Variants in KIF26B observed in about 807,000 individuals in gnomAD.
KIF26B encodes kinesin family member 26B.
A neutral mutation model predicts 151.2 loss-of-function variants in KIF26B; 63 were observed. The observed-to-expected ratio is 0.42, with a 90% CI of 0.34 to 0.51. The LOEUF is 0.51. KIF26B is among the 20% of genes least tolerant of loss of function. KIF26B has a pLI of 0.07. For missense variants in KIF26B, 2,813 were observed against 2,913.6 expected, an observed-to-expected ratio of 0.97 and a Z score of 0.79; for synonymous variants, 1,357 against 1,262.1, an observed-to-expected ratio of 1.08 and a Z score of -1.59.
Position 245,156,613 on chromosome 1 carries a change from G to A in KIF26B, c.395G>A (p.Cys132Tyr). The change falls in exon 2 of 15, where the codon TGC becomes TAC. Residue 132 changes from cysteine to tyrosine, a missense_variant. By Grantham distance (194) the Cys-to-Tyr change is radical. This residue lies in a region of KIF26B where 676 missense variants were observed against 688.1 expected (regional missense o/e 0.98). Coordinates refer to ENST00000407071, the MANE Select transcript of KIF26B (RefSeq NM_018012.4). ...GACCGCGGCGTCTGGTGCGAGAACT[G>A]CAACGCCCGCCTGGTGGAGCTCAAG... ...GSDRGVWCEN[C>Y]NARLVELKRQ... The A allele has an allele frequency of 6.6e-7, 1 of 1,525,378 alleles. No homozygotes were observed. Among genetic ancestry groups the A allele is most frequent in the Non-Finnish European group, 8.7e-7 (1 of 1,143,068 alleles). The allele number at this position is 1,525,378 out of a possible 1,614,324, so 94.5% of individuals were successfully genotyped here. A position where few individuals can be genotyped will look rare whatever the true frequency, so the allele number is the denominator to read the frequency against.
intron 5 of KIF26B, among the ~76,000 whole-genome samples, chr1:245,588,932 T>C (rs577245419): frequency 1.3e-5 from 2 of 152,202 alleles, no homozygotes; most frequent in Non-Finnish European, 2.9e-5. Flanking sequence ...AATGAAAGTA[T>C]CTAAGATGTA....
chr1:245,562,036 A>G lies in KIF26B; in HGVS notation c.1350+21086A>G, dbSNP rs183575899. Reference sequence around the variant, plus strand: ...CGGATTGCAGCTGTTTCATACCCAGATGACCTGGGGGGCATCTTCAGTGTG... The same window carrying G: ...CGGATTGCAGCTGTTTCATACCCAGGTGACCTGGGGGGCATCTTCAGTGTG... On this transcript the variant is annotated intron_variant, in intron 5 of 14. Transcript: ENST00000407071. Among the ~76,000 whole-genome samples the G allele has an allele frequency of 7.9e-5, 12 of 152,146 alleles. No homozygotes were observed. In the East Asian group the frequency reaches 1.9e-3, roughly 25 times the overall value.
At chr1:245,474,627 G>T (rs1336715997) in intron 4 of KIF26B, among the ~76,000 whole-genome samples, 1 of 150,964 alleles carries the variant, frequency 6.6e-6, no homozygotes, top group African/African-American at 2.4e-5. Context: ...TGGCCAGGCT[G>T]GTCTTGAACT....
intron 5 of KIF26B, among the ~76,000 whole-genome samples, chr1:245,577,519 T>C (rs1226966152): frequency 6.6e-6 from 1 of 152,228 alleles, no homozygotes; most frequent in Non-Finnish European, 1.5e-5. Flanking sequence ...TGGAAGAGCT[T>C]TGTGGAACTC....
At chr1:245,217,530 A>G (rs1196755948) in intron 2 of KIF26B, among the ~76,000 whole-genome samples, 1 of 150,244 alleles carries the variant, frequency 6.7e-6, no homozygotes, top group Non-Finnish European at 1.5e-5. Flanking sequence ...ACGCCCAGCT[A>G]TTTTTTTTTG....
At chr1:245,346,558 A>G (rs1005628017) in intron 2 of KIF26B, among the ~76,000 whole-genome samples, 3 of 152,176 alleles carry the variant, frequency 2.0e-5, no homozygotes, top group Non-Finnish European at 4.4e-5. Context: ...TCAGACAGTA[A>G]CACCTGTGAT....
intron 4 of KIF26B, among the ~76,000 whole-genome samples, chr1:245,447,164 TG>T (rs1659266424): frequency 6.6e-6 from 1 of 152,180 alleles, no homozygotes; most frequent in South Asian, 2.1e-4. Flanking sequence ...CTGGTGTGCT[TG>T]CTGCTGCTGT....
chr1:245,165,519 A>T (rs1022658152), intron 2 of KIF26B, among the ~76,000 whole-genome samples: 2 of 152,226 alleles, frequency 1.3e-5, no homozygotes, highest in Non-Finnish European at 2.9e-5. Flanking sequence ...GGAGATATGG[A>T]TCTGGGGGAT....
intron 8 of KIF26B, among the ~76,000 whole-genome samples, chr1:245,610,509 A>T (rs1398619970): frequency 6.6e-6 from 1 of 152,220 alleles, no homozygotes; most frequent in East Asian, 1.9e-4. Context: ...CAGGGATCAC[A>T]GTTGGAAATC....
In KIF26B at chr1:245,215,739, CTG is replaced by C. The variant is rs536974543; in HGVS notation, c.465+59060_465+59061del. 7.1e-4 allele frequency among the ~76,000 whole-genome samples: 108 copies of C among 152,186 alleles called. 1 individual carries two copies. Among genetic ancestry groups the C allele is most frequent in the African/African-American group, 1.9e-3 (79 of 41,532 alleles). On this transcript the variant is annotated intron_variant, in intron 2 of 14. Coordinates refer to ENST00000407071, the MANE Select transcript of KIF26B (RefSeq NM_018012.4). ...AGCTGGGATAGAAGAAATTGGGTGA[CTG>C]TGTATTGTCTTTGTGCTTTTGTGTT... is the stretch of plus-strand genomic sequence containing the variant.
In KIF26B at chr1:245,605,114, C is replaced by T. The variant is rs372014048; in HGVS notation, c.1557+2331C>T. 2.0e-5 allele frequency among the ~76,000 whole-genome samples: 3 copies of T among 152,306 alleles called. No individual in the cohort carries two copies. In the East Asian group the frequency reaches 5.8e-4, roughly 29 times the overall value. ...GGCGAGTCACTCAACCTCTCTGGAC[C>T]TCAGTGTCCTTCCTCATCTGTCAGG... On this transcript the variant is annotated intron_variant, in intron 6 of 14. Transcript: ENST00000407071.
intron 4 of KIF26B, among the ~76,000 whole-genome samples, chr1:245,504,306 C>T (rs1357176816): frequency 1.3e-5 from 2 of 151,968 alleles, no homozygotes; most frequent in Non-Finnish European, 2.9e-5. Flanking sequence ...TGGTCTCTCT[C>T]TCTCTCTTTC....
chr1:245,519,751 C>T (rs1661047006), intron 4 of KIF26B, among the ~76,000 whole-genome samples: 1 of 152,032 alleles, frequency 6.6e-6, no homozygotes, highest in African/African-American at 2.4e-5. Context: ...ATAGTGTAGC[C>T]ATTTGTAACA....
intron 4 of KIF26B, among the ~76,000 whole-genome samples, chr1:245,451,298 C>T (rs1456685190): frequency 6.6e-6 from 1 of 151,938 alleles, no homozygotes; most frequent in Non-Finnish European, 1.5e-5. Flanking sequence ...ATTAACATTT[C>T]GTTTTAGAAA....
rs542705342 is a variant in KIF26B, at chr1:245,550,638, A to C, written c.1350+9688A>C. Among the ~76,000 whole-genome samples, 11 of 152,368 alleles carry C rather than the reference A, an allele frequency of 7.2e-5. 1 individual carries two copies. In the South Asian group the frequency reaches 2.3e-3, roughly 32 times the overall value. On this transcript the variant is annotated intron_variant, in intron 5 of 14. Transcript: ENST00000407071. ...TGAGACCATGCAGTGAGATTGGTGC[A>C]GTCAGTATTGGTGGAGGAGCTGCTG... is the stretch of plus-strand genomic sequence containing the variant.
chr1:245,597,939 G>T lies in KIF26B; in HGVS notation c.1351-4638G>T, dbSNP rs898007637. ...ATCGATTCAGCTATTGATACTGTGT[G>T]TGCTTCATGAAGTTCTCATGCTGTG... On this transcript the variant is annotated intron_variant, in intron 5 of 14. Coordinates refer to ENST00000407071, the MANE Select transcript of KIF26B (RefSeq NM_018012.4). The surrounding 1 kb of genome is among the most constrained non-coding windows in gnomAD (Gnocchi z 4.6). Among the ~76,000 whole-genome samples the T allele has an allele frequency of 6.6e-6, 1 of 151,944 alleles. No homozygotes were observed. Among genetic ancestry groups the T allele is most frequent in the Admixed American group, 6.6e-5 (1 of 15,236 alleles).
intron 5 of KIF26B, among the ~76,000 whole-genome samples, chr1:245,591,415 A>C (rs1334965369): frequency 6.6e-6 from 1 of 152,188 alleles, no homozygotes; most frequent in Non-Finnish European, 1.5e-5. Context: ...TGATCACAGT[A>C]ACTCTGCTAG....
chr1:245,568,014 T>C (rs1323210833), intron 5 of KIF26B, among the ~76,000 whole-genome samples: 2 of 150,770 alleles, frequency 1.3e-5, no homozygotes, highest in Non-Finnish European at 3.0e-5. Flanking sequence ...CAAAACCCCG[T>C]CTCTACTAAA....
At chr1:245,176,191 G>A (rs1668806515) in intron 2 of KIF26B, among the ~76,000 whole-genome samples, 1 of 151,996 alleles carries the variant, frequency 6.6e-6, no homozygotes, top group Non-Finnish European at 1.5e-5. Flanking sequence ...TAGAGACGGG[G>A]TTTCTCCATG....
Sources: allele counts gnomAD v4.1 joint callset (sites outside exome capture counted in the v4.1 genomes callset), GRCh38; gene constraint gnomAD v4.1.1; regional missense constraint gnomAD v4.1.1; non-coding constraint Gnocchi (gnomAD v3.1); transcripts MANE v1.5; gene names NCBI Gene and HGNC (gene_info 2026-07-23, HGNC 2026-07-21).